KAZN: variants seen among roughly 807,000 people sequenced by gnomAD.
The protein encoded by KAZN is kazrin.
A neutral mutation model predicts 87.4 loss-of-function variants in KAZN; 40 were observed. The observed-to-expected ratio is 0.46, with a 90% CI of 0.36 to 0.60. The LOEUF (loss-of-function observed/expected upper bound fraction) is 0.60. Among genes scored for constraint, KAZN ranks in the 20% least tolerant of loss-of-function variants. The pLI, the probability that KAZN is intolerant of heterozygous loss-of-function variation, is 0.00. For missense variants in KAZN, 898 were observed against 1,073.9 expected (o/e 0.84, Z 2.29); for synonymous variants, 466 against 458.3 (o/e 1.02, Z -0.22).
intron 1 of KAZN, among the ~76,000 whole-genome samples, chr1:14,166,094 C>T (rs1482020656): frequency 6.6e-6 from 1 of 152,284 alleles, no homozygotes; most frequent in Non-Finnish European, 1.5e-5. Context: ...GTGGGCAGAT[C>T]ACCTGAGGTC....
intron 5 of KAZN, among the ~76,000 whole-genome samples, chr1:15,058,582 C>T (rs1420473909): frequency 6.6e-6 from 1 of 152,236 alleles, no homozygotes; most frequent in Non-Finnish European, 1.5e-5. Context: ...TGGTCTGGAC[C>T]TTCCATTCAA....
At chr1:14,339,671 T>A (rs1373465372) in intron 2 of KAZN, among the ~76,000 whole-genome samples, 1 of 152,230 alleles carries the variant, frequency 6.6e-6, no homozygotes, top group Non-Finnish European at 1.5e-5. Context: ...TTCAACTGAC[T>A]GAATTAGCCC....
chr1:14,124,227 A>G (rs369078985), intron 1 of KAZN: 1 of 152,226 alleles, frequency 6.6e-6, no homozygotes, highest in East Asian at 1.9e-4. Flanking sequence ...CTTTCCGAAG[A>G]CTGAGCAAAA....
At chr1:14,491,218 C>T (rs1173269960) in intron 2 of KAZN, among the ~76,000 whole-genome samples, 1 of 152,160 alleles carries the variant, frequency 6.6e-6, no homozygotes, top group East Asian at 1.9e-4. Context: ...CTGTTATAAG[C>T]AAAGCTATTG....
intron 1 of KAZN, among the ~76,000 whole-genome samples, chr1:14,160,404 A>G (rs1025139119): frequency 1.1e-4 from 16 of 152,152 alleles, no homozygotes; most frequent in African/African-American, 3.9e-4. Context: ...CCAGCACACT[A>G]AGATGCTTTC....
chr1:14,950,294 C>G (rs1662327487), intron 1 of KAZN, among the ~76,000 whole-genome samples: 2 of 152,074 alleles, frequency 1.3e-5, no homozygotes, highest in African/African-American at 4.8e-5. Context: ...GGCTCCTGTT[C>G]TTGCCTGCCT....
chr1:14,861,334 G>A (rs1320740493), intron 1 of KAZN, among the ~76,000 whole-genome samples: 2 of 152,158 alleles, frequency 1.3e-5, no homozygotes. Flanking sequence ...AGCCAAGATT[G>A]CACCACTGCA....
intron 1 of KAZN, among the ~76,000 whole-genome samples, chr1:14,130,895 T>G (rs913029537): frequency 1.9e-5 from 2 of 104,002 alleles, no homozygotes; most frequent in African/African-American, 8.0e-5. Flanking sequence ...TTAATCATAT[T>G]AATGAAATGT....
chr1:14,857,260 C>T (rs1234501766), intron 1 of KAZN, among the ~76,000 whole-genome samples: 2 of 152,168 alleles, frequency 1.3e-5, no homozygotes, highest in African/African-American at 4.8e-5. Flanking sequence ...CGTGGTGGCT[C>T]CCACCTGTAA....
Position 14,250,566 on chromosome 1 carries a change from T to TA in KAZN, c.249+69983dup, listed in dbSNP as rs201421355. 9.6e-3 allele frequency among the ~76,000 whole-genome samples: 1,432 copies of TA among 149,362 alleles called. 17 individuals carry two copies. The highest frequency in any genetic ancestry group is 0.032 in the South Asian group (151 of 4,688). On this transcript the variant is annotated intron_variant, in intron 2 of 16. Coordinates refer to the KAZN transcript ENST00000636203. ...ATCACAGAAACAATATTATGAGAGT[T>TA]AAAAAAAAAGTTGATGGTGAGATTC...
intron 1 of KAZN, among the ~76,000 whole-genome samples, chr1:13,973,517 T>G (rs10927975): frequency 0.21 from 31,456 of 152,040 alleles, 3,523 homozygotes; most frequent in East Asian, 0.37. Context: ...GGCAGTCCCC[T>G]TCATACAAAT....
intron 1 of KAZN, among the ~76,000 whole-genome samples, chr1:13,915,725 C>T (rs1187323916): frequency 1.3e-5 from 2 of 151,720 alleles, no homozygotes; most frequent in Non-Finnish European, 2.9e-5. Context: ...CCTTGCTATT[C>T]GCTTTTTAGC....
intron 2 of KAZN, among the ~76,000 whole-genome samples, chr1:14,993,849 G>A (rs534887343): frequency 3.9e-5 from 6 of 152,314 alleles, no homozygotes; most frequent in Non-Finnish European, 5.9e-5. Flanking sequence ...GTAATGACCC[G>A]GATGTGTGTG....
At chr1:14,903,499 G>T (rs1158969739) in intron 1 of KAZN, among the ~76,000 whole-genome samples, 1 of 152,190 alleles carries the variant, frequency 6.6e-6, no homozygotes, top group Non-Finnish European at 1.5e-5. Context: ...TTGCCATTGG[G>T]CACTCAGAGG....
At position 13,962,531 on chromosome 1, in the gene KAZN, C is replaced by A. The variant is rs552254390; in HGVS notation, c.91+68775C>A. On this transcript the variant is annotated intron_variant, in intron 1 of 16. Transcript: ENST00000636203. ...CATTTCTTGTTTACTTTCCCAACAA[C>A]CCCGGGTGATAGGCCTTATGCTACC... Among the ~76,000 whole-genome samples the A allele has an allele frequency of 3.3e-5, 5 of 152,220 alleles. No individual in the cohort carries two copies. In the South Asian group the frequency reaches 1.0e-3, roughly 32 times the overall value.
chr1:14,217,476 G>A (rs1053347387), intron 2 of KAZN, among the ~76,000 whole-genome samples: 3 of 151,420 alleles, frequency 2.0e-5, no homozygotes, highest in Non-Finnish European at 4.4e-5. Flanking sequence ...AAATTAGGAA[G>A]ATTTATAAAT....
chr1:14,088,443 A>T (rs576509514), intron 1 of KAZN, among the ~76,000 whole-genome samples: 2 of 152,086 alleles, frequency 1.3e-5, no homozygotes, highest in South Asian at 4.1e-4. Context: ...AAGATTTTCC[A>T]GATATCTTTC....
chr1:14,354,671 C>T (rs1658850878), intron 2 of KAZN, among the ~76,000 whole-genome samples: 1 of 151,642 alleles, frequency 6.6e-6, no homozygotes, highest in African/African-American at 2.4e-5. Context: ...CACACACACA[C>T]ACACACACAC....
At chr1:14,349,290 C>T (rs150951402) in intron 2 of KAZN, 4 of 152,284 alleles carry the variant, frequency 2.6e-5, no homozygotes, top group African/African-American at 9.6e-5. Context: ...GAAAAGTCTT[C>T]GAAGAGAGAT....
Sources: gnomAD v4.1 joint callset for allele counts (sites outside exome capture counted in the v4.1 genomes callset) on GRCh38, gnomAD v4.1.1 for gene constraint, MANE v1.5 for transcripts, NCBI Gene and HGNC (gene_info 2026-07-23, HGNC 2026-07-21) for gene names.